The following CFAP74 variants were observed in gnomAD, a reference collection of about 807,000 sequenced individuals.
CFAP74 encodes the protein cilia and flagella associated protein 74.
In CFAP74, 124 loss-of-function variants were observed where a neutral mutation model predicts 188.9. The observed-to-expected ratio is 0.66, with a 90% CI of 0.57 to 0.76. CFAP74 has a LOEUF of 0.76. Among genes scored for constraint, CFAP74 ranks in the 30% least tolerant of loss-of-function variants. The probability of loss-of-function intolerance (pLI) is 0.00; values close to 1 mark genes in which losing one functional copy is unlikely to be tolerated. For synonymous variants in CFAP74, 956 were observed against 916.7 expected (o/e 1.04, Z -0.77); for missense variants, 2,198 against 2,165.2 (o/e 1.02, Z -0.30).
chr1:1,955,475 C>G (rs751320961), intron 18 of CFAP74: 6 of 1,577,602 alleles, frequency 3.8e-6, no homozygotes, highest in Admixed American at 1.7e-5. Context: ...TTCAAGTCTT[C>G]GGTTAGCGTC....
At chr1:1,922,422 A>C in intron 38 of CFAP74, 34 bp from the exon 39 acceptor site, 1 of 1,586,720 alleles carries the variant, frequency 6.3e-7, no homozygotes, top group Non-Finnish European at 8.6e-7. Flanking sequence ...AGAGGCCTTC[A>C]GTCAGTGGGC....
At position 1,985,375 on chromosome 1, in the gene CFAP74, C is replaced by A; in HGVS notation, c.500+11G>T. The A allele has an allele frequency of 6.2e-7, 1 of 1,610,930 alleles. No individual in the cohort carries two copies. Among genetic ancestry groups the A allele is most frequent in the Non-Finnish European group, 8.5e-7 (1 of 1,177,234 alleles). ...CTGCCTGCTGCCAGTCCCGGCTGCACACCGACTCACTCGCTCTCCTTCAGC... is the reference window on the plus strand; with the variant it reads ...CTGCCTGCTGCCAGTCCCGGCTGCAAACCGACTCACTCGCTCTCCTTCAGC... On this transcript the variant is annotated intron_variant, in intron 6 of 38. Coordinates refer to ENST00000682832, the MANE Select transcript of CFAP74 (RefSeq NM_001304360.2).
chr1:1,988,645 C>T lies in CFAP74; in HGVS notation c.163G>A (p.Glu55Lys), dbSNP rs1356241203. The change falls in exon 4 of 39, where the codon GAA (glutamate) becomes AAA (lysine). Residue 55 changes from glutamate to lysine, a missense_variant. Physicochemically the swap from Glu to Lys is moderately conservative, Grantham distance 56. Coordinates refer to ENST00000682832, the MANE Select transcript of CFAP74 (RefSeq NM_001304360.2). ...VDPGHSSSVK[E>K]LDTDADKLKK... Reference sequence around the variant, plus strand: ...AATTTATCAGCATCAGTATCTAGTTCTTTCACTGAGCTTAGGATGAAAAGG... The same window carrying T: ...AATTTATCAGCATCAGTATCTAGTTTTTTCACTGAGCTTAGGATGAAAAGG... 3 of 1,608,576 alleles carry T rather than the reference C, an allele frequency of 1.9e-6. No individual in the cohort carries two copies. The highest frequency in any genetic ancestry group is 1.1e-5 in the South Asian group (1 of 91,076).
chr1:1,949,646 A>G (rs72894725), intron 18 of CFAP74, among the ~76,000 whole-genome samples: 22,902 of 152,024 alleles, frequency 0.15, 3,360 homozygotes, highest in African/African-American at 0.38. Flanking sequence ...CACGTCGCCC[A>G]TGCCCCTTTC....
intron 28 of CFAP74, 60 bp from the exon 29 acceptor site, chr1:1,927,088 C>T (rs956345282): frequency 1.9e-5 from 30 of 1,541,054 alleles, no homozygotes; most frequent in Middle Eastern, 3.4e-4. Context: ...CGGCCCAGGC[C>T]GGACCCCTGC....
rs775972550 is a variant in CFAP74 at position 1,927,678 on chromosome 1, C to T, written c.3456G>A (p.Gln1152=). The change falls in exon 28 of 39, where the codon CAG becomes CAA. Residue 1152 remains glutamine, a synonymous_variant. Transcript: ENST00000682832. ...AGACTTTGAACAGCTTGTCGCGGTT[C>T]TGTGCTCGAAGAACGGAGAATGACA... ...HGLSFSVLRA[Q]NRDKLFKVSV... is the part of the protein sequence containing the mutation. 7.1e-6 allele frequency: 11 copies of T among 1,550,106 alleles called. No homozygotes were observed. In the South Asian group the frequency reaches 1.2e-4, roughly 17 times the overall value.
In CFAP74 at chr1:1,973,192, A is replaced by T; in HGVS notation, c.675-145T>A. 1 of 620,050 alleles carries T rather than the reference A, an allele frequency of 1.6e-6. No homozygotes were observed. Among genetic ancestry groups the T allele is most frequent in the Non-Finnish European group, 2.8e-6 (1 of 354,608 alleles). The allele number at this position is 620,050 out of a possible 1,614,324, so 38.4% of individuals were successfully genotyped here. A position where few individuals can be genotyped will look rare whatever the true frequency, so the allele number is the denominator to read the frequency against. The stretch of plus-strand genomic sequence containing the variant: ...TCCCGCACAGCCTCCCTTGGGGAGG[A>T]GCGAGGGTCCCTGGAGAGCTGATGC... On this transcript the variant is annotated intron_variant, in intron 7 of 38. Transcript: ENST00000682832. This position sits in a 1 kb window ranked among gnomAD's most constrained non-coding sequence, Gnocchi z 6.2.
chr1:1,989,384 A>AAATCCTTT (rs1484899140), intron 2 of CFAP74, among the ~76,000 whole-genome samples: 1 of 152,210 alleles, frequency 6.6e-6, no homozygotes. Flanking sequence ...CTGCTGAATA[A>AAATCCTTT]AATCCTTTTT....
rs144964407 is a variant in CFAP74 at position 1,992,849 on chromosome 1, C to T, written c.-19-1874G>A. Among the ~76,000 whole-genome samples the T allele has an allele frequency of 4.7e-3, 714 of 152,178 alleles. 8 individuals are homozygous for T. The highest frequency in any genetic ancestry group is 0.016 in the African/African-American group (662 of 41,524). On this transcript the variant is annotated intron_variant, in intron 1 of 38. Transcript: ENST00000682832. ...ATTTTGGGAATGTTAGGAGCTTGCTCGTGTGGAACTCTTGGTACCGAATCT... is the reference window on the plus strand; with the variant it reads ...ATTTTGGGAATGTTAGGAGCTTGCTTGTGTGGAACTCTTGGTACCGAATCT...
chr1:1,929,221 C>T (rs1476567981), intron 26 of CFAP74, among the ~76,000 whole-genome samples: 3 of 148,366 alleles, frequency 2.0e-5, no homozygotes, highest in East Asian at 2.0e-4. Flanking sequence ...GTTTGACGGG[C>T]GAGTCCCACA....
chr1:2,001,836 A>G (rs574387018), intron 1 of CFAP74, among the ~76,000 whole-genome samples: 8 of 152,316 alleles, frequency 5.3e-5, no homozygotes, highest in African/African-American at 1.9e-4. Flanking sequence ...ACGAGGACAC[A>G]GCAGACGAAA....
intron 18 of CFAP74, among the ~76,000 whole-genome samples, chr1:1,949,234 C>G (rs1300205590): frequency 6.7e-6 from 1 of 149,468 alleles, no homozygotes. Context: ...TCTCGGCTCA[C>G]CACAACCTCT....
At position 1,970,799 on chromosome 1, in the gene CFAP74, G is replaced by C. The variant is rs533804414; in HGVS notation, c.906C>G (p.Phe302Leu). ...CTGCCTTGGCACGGTCCCATGCTTGGAACTTCCGCAGTGTGTCCTTGGAAA... is the reference window on the plus strand; with the variant it reads ...CTGCCTTGGCACGGTCCCATGCTTGCAACTTCCGCAGTGTGTCCTTGGAAA... ...ISANRDTLRK[F>L]QAWDRAKAEL... The change falls in exon 10 of 39, where the codon TTC becomes TTG. Residue 302 changes from phenylalanine to leucine, a missense_variant. By Grantham distance (22) the Phe-to-Leu change is conservative (BLOSUM62 0). Transcript: ENST00000682832. The C allele has an allele frequency of 3.1e-6, 5 of 1,614,008 alleles. No homozygotes were observed. The Admixed American group carries it at 5.0e-5, about 16-fold the overall frequency.
intron 14 of CFAP74, 86 bp downstream of exon 14, chr1:1,963,663 G>A: frequency 2.4e-6 from 2 of 831,334 alleles, no homozygotes; most frequent in Non-Finnish European, 4.0e-6. Context: ...TATAGAGCCT[G>A]TTCCAGCCGT....
Position 1,991,902 on chromosome 1 carries a change from T to C in CFAP74, c.-19-927A>G, listed in dbSNP as rs565159551. Reference sequence around the variant, plus strand: ...AAAAACAGAAAAAATTAGCCGGGCATGGTGGCAGGCGCCTGCGGTCCCAGC... The same window carrying C: ...AAAAACAGAAAAAATTAGCCGGGCACGGTGGCAGGCGCCTGCGGTCCCAGC... On this transcript the variant is annotated intron_variant, in intron 1 of 38. Coordinates refer to ENST00000682832, the MANE Select transcript of CFAP74 (RefSeq NM_001304360.2). 3.0e-4 allele frequency among the ~76,000 whole-genome samples: 45 copies of C among 151,724 alleles called. No homozygotes were observed. In the East Asian group the frequency reaches 5.0e-3, roughly 17 times the overall value.
chr1:1,970,204 C>A (rs999818532), intron 10 of CFAP74, among the ~76,000 whole-genome samples: 1 of 152,200 alleles, frequency 6.6e-6, no homozygotes, highest in African/African-American at 2.4e-5. Flanking sequence ...GCCAGGAGGG[C>A]CCCAAGGCCG....
intron 9 of CFAP74, among the ~76,000 whole-genome samples, 186 bp from the exon 10 acceptor site, chr1:1,971,002 AC>A (rs1655949666): frequency 6.7e-6 from 1 of 150,194 alleles, no homozygotes; most frequent in Non-Finnish European, 1.5e-5. Flanking sequence ...ACACACACGC[AC>A]ACCTGCACAT....
chr1:1,986,986 G>A lies in CFAP74; in HGVS notation c.346C>T (p.Gln116Ter). 2 of 1,601,044 alleles carry A rather than the reference G, an allele frequency of 1.2e-6. No homozygotes were observed. Among genetic ancestry groups the A allele is most frequent in the Non-Finnish European group, 8.5e-7 (1 of 1,179,252 alleles). ...GCGATCTCGGCTGCCACAGCCTCCT[G>A]CTGCTTGTCGATCAGGTCCCGCCTC... Reference protein sequence around the residue: ...RQRRDLIDKQQEAVAAEIATE... With the variant: ...RQRRDLIDKQ The change falls in exon 5 of 39, where the codon CAG becomes TAG. Residue 116 changes from glutamine (Q) to a stop codon, truncating the protein, a stop_gained. Coordinates refer to ENST00000682832, the MANE Select transcript of CFAP74 (RefSeq NM_001304360.2). LOFTEE classifies it high-confidence loss of function.
chr1:1,940,345 C>T lies in CFAP74; in HGVS notation c.2674G>A (p.Ala892Thr). The change falls in exon 23 of 39, where the codon GCC becomes ACC. Residue 892 changes from alanine (A) to threonine (T), a missense_variant. Ala to Thr is a moderately conservative substitution (Grantham distance 58). Coordinates refer to ENST00000682832, the MANE Select transcript of CFAP74 (RefSeq NM_001304360.2). Reference sequence around the variant, plus strand: ...TCGGCAACCCATATGGTCATCGGGGCCTCCAGGACTCGGGTCTCCTTGTCA... The same window carrying T: ...TCGGCAACCCATATGGTCATCGGGGTCTCCAGGACTCGGGTCTCCTTGTCA... ...YFDKETRVLE[A>T]PMTIWVADQN... The T allele has an allele frequency of 1.3e-6, 2 of 1,535,828 alleles. No homozygotes were observed. The highest frequency in any genetic ancestry group is 1.7e-6 in the Non-Finnish European group (2 of 1,146,738).
Sources: allele counts gnomAD v4.1 joint callset (sites outside exome capture counted in the v4.1 genomes callset), GRCh38; gene constraint gnomAD v4.1.1; non-coding constraint Gnocchi (gnomAD v3.1); transcripts MANE v1.5; gene names NCBI Gene and HGNC (gene_info 2026-07-23, HGNC 2026-07-21).